SHARPIN: variants seen among roughly 807,000 people sequenced by gnomAD.
SHARPIN encodes the protein hSIPL1.
SHARPIN carries 25 observed loss-of-function variants against 40.3 expected under a neutral mutation model. The ratio of observed to expected loss-of-function variants is 0.62; its 90% CI spans 0.45 to 0.87. The LOEUF (loss-of-function observed/expected upper bound fraction) is 0.87. Among genes scored for constraint, SHARPIN ranks in the 40% least tolerant of loss-of-function variants. The pLI is 0.00. For synonymous variants in SHARPIN, 274 were observed against 221.8 expected, an observed-to-expected ratio of 1.24 and a Z score of -2.09; for missense variants, 551 against 516.1, an observed-to-expected ratio of 1.07 and a Z score of -0.66.
intron 2 of SHARPIN, chr8:144,102,847 G>C (rs570453030): frequency 3.0e-6 from 2 of 658,186 alleles, no homozygotes; most frequent in East Asian, 2.6e-5. Flanking sequence ...GCTGCAACTT[G>C]TGCTGGCTGG....
intron 2 of SHARPIN, among the ~76,000 whole-genome samples, chr8:144,102,333 G>C (rs979858098): frequency 2.6e-5 from 4 of 151,052 alleles, no homozygotes; most frequent in Non-Finnish European, 5.9e-5. Context: ...GAGTGCAGTG[G>C]CAAGATCTCA....
chr8:144,099,895 C>T (rs1406735519), intron 3 of SHARPIN, 34 bp downstream of exon 3: 1 of 1,220,270 alleles, frequency 8.2e-7, no homozygotes. Context: ...ATCTGCTATC[C>T]CCGAACCCCC....
chr8:144,102,864 A>T, intron 2 of SHARPIN, 187 bp downstream of exon 2: 4 of 653,816 alleles, frequency 6.1e-6, no homozygotes, highest in Non-Finnish European at 7.9e-6. Flanking sequence ...CTGGGGCCTC[A>T]GATGGTGTAG....
intron 1 of SHARPIN, 107 bp from the exon 2 acceptor site, chr8:144,103,332 C>G: frequency 7.7e-7 from 1 of 1,291,988 alleles, no homozygotes; most frequent in South Asian, 1.4e-5. Context: ...GGTCCTAAGC[C>G]CTGTACGCCT....
rs1836320573 is a variant in SHARPIN at position 144,103,062 on chromosome 8, T to C, written c.365A>G (p.Glu122Gly). ...TACAGGGCACTGACCATTCTGTCCT[T>C]CCACGGTGGCACCTCGGACTAGGAC... ...WAVLVRGATV[E>G]GQNGSKSNSP... is the part of the protein sequence containing the mutation. Residue 122 changes from glutamate (E) to glycine (G), a missense_variant, in exon 2 of 9, where the codon GAA becomes GGA. Physicochemically the swap from Glu to Gly is moderately conservative, Grantham distance 98. Transcript: ENST00000398712. 2.5e-6 allele frequency: 4 copies of C among 1,613,216 alleles called. No homozygotes were observed. The highest frequency in any genetic ancestry group is 3.4e-6 in the Non-Finnish European group (4 of 1,179,902).
At chr8:144,099,242 C>T in intron 6 of SHARPIN, 35 bp downstream of exon 6, 3 of 1,613,314 alleles carry the variant, frequency 1.9e-6, no homozygotes, top group South Asian at 1.1e-5. Flanking sequence ...GGGCTGCACC[C>T]CACCTCCCAC....
At position 144,103,640 on chromosome 8, in the gene SHARPIN, C is replaced by G; in HGVS notation, c.114G>C (p.Glu38Asp). 6.6e-7 allele frequency: 1 copy of G among 1,525,826 alleles called. No homozygotes were observed. The highest frequency in any genetic ancestry group is 8.7e-7 in the Non-Finnish European group (1 of 1,143,278). The allele number at this position is 1,525,826 out of a possible 1,614,324, so 94.5% of individuals were successfully genotyped here. A position where few individuals can be genotyped will look rare whatever the true frequency, so the allele number is the denominator to read the frequency against. ...TCAGCTGCAGCCTCCGCAGCTGTGCCTCGGCGTCTGGCCCGGCGCCCAGCG... is the reference window on the plus strand; with the variant it reads ...TCAGCTGCAGCCTCCGCAGCTGTGCGTCGGCGTCTGGCCCGGCGCCCAGCG... ...VRPLGAGPDA[E>D]AQLRRLQLSA... Residue 38 changes from glutamate (E) to aspartate (D), a missense_variant, in exon 1 of 9, where the codon GAG becomes GAC. Physicochemically the swap from Glu to Asp is conservative, Grantham distance 45. Coordinates refer to ENST00000398712, the MANE Select transcript of SHARPIN (RefSeq NM_030974.4).
intron 2 of SHARPIN, 128 bp from the exon 3 acceptor site, chr8:144,100,197 T>C (rs967575187): frequency 1.8e-6 from 2 of 1,133,394 alleles, no homozygotes; most frequent in Non-Finnish European, 2.4e-6. Flanking sequence ...GCCACACTTC[T>C]AGCCACACCT....
chr8:144,102,461 A>G (rs1027594131), intron 2 of SHARPIN, among the ~76,000 whole-genome samples: 15 of 152,016 alleles, frequency 9.9e-5, no homozygotes, highest in African/African-American at 3.6e-4. Context: ...TTTAGTAGAG[A>G]CAGGGTTTCA....
chr8:144,102,140 G>A (rs879249725), intron 2 of SHARPIN, among the ~76,000 whole-genome samples: 1 of 152,164 alleles, frequency 6.6e-6, no homozygotes, highest in Non-Finnish European at 1.5e-5. Flanking sequence ...TGAAGCAGGA[G>A]GATCACCGTA....
In SHARPIN at chr8:144,098,752, C is replaced by T. The variant is rs1052941286; in HGVS notation, c.*49G>A. ...GAGTTCAGTGGGGGCCTGGAGATGT[C>T]GGACTTGTGAGGGAAGGGCCACTCT... On this transcript the variant is annotated 3_prime_UTR_variant, in exon 9 of 9. Coordinates refer to ENST00000398712, the MANE Select transcript of SHARPIN (RefSeq NM_030974.4). 7.9e-5 allele frequency: 54 copies of T among 685,854 alleles called. No individual in the cohort carries two copies. The highest frequency in any genetic ancestry group is 4.4e-4 in the Admixed American group (13 of 29,628). 42.5% of individuals were successfully genotyped at this position (685,854 alleles called of 1,614,324 possible).
intron 8 of SHARPIN, 24 bp downstream of exon 8, chr8:144,098,842 C>A: frequency 6.6e-7 from 1 of 1,513,086 alleles, no homozygotes; most frequent in Non-Finnish European, 8.9e-7. Flanking sequence ...CCCCCACCTC[C>A]CCTGCCTGTG....
chr8:144,101,948 A>G (rs1564314920), intron 2 of SHARPIN, among the ~76,000 whole-genome samples: 1 of 151,940 alleles, frequency 6.6e-6, no homozygotes, highest in African/African-American at 2.4e-5. Flanking sequence ...CTCTTACATC[A>G]CTGTCTGGCT....
In SHARPIN at chr8:144,099,971, C is replaced by T; in HGVS notation, c.475G>A (p.Glu159Lys). The part of the protein sequence containing the change: ...EASTLKGPPP[E>K]ADLPRSPGNL... ...CCAGGGCTCCTAGGAAGATCTGCCT[C>T]AGGTGGAGGGCCCTTGAGTGTGGAG... Residue 159 changes from glutamate (E) to lysine (K), a missense_variant, in exon 3 of 9, where the codon GAG becomes AAG. By Grantham distance (56) the Glu-to-Lys change is moderately conservative. Transcript: ENST00000398712. 1.2e-6 allele frequency: 2 copies of T among 1,612,796 alleles called. No homozygotes were observed. Among genetic ancestry groups the T allele is most frequent in the Middle Eastern group, 1.7e-4 (1 of 6,046 alleles).
intron 1 of SHARPIN, 96 bp downstream of exon 1, chr8:144,103,457 A>G: frequency 7.6e-7 from 1 of 1,308,596 alleles, no homozygotes; most frequent in Non-Finnish European, 1.0e-6. Context: ...ATAACTGCTT[A>G]AGGGCACCCA....
chr8:144,103,731 GC>G lies in SHARPIN; in HGVS notation c.22del (p.Ala8ArgfsTer21). The G allele has an allele frequency of 7.2e-7, 1 of 1,386,202 alleles. No individual in the cohort carries two copies. The highest frequency in any genetic ancestry group is 9.3e-7 in the Non-Finnish European group (1 of 1,076,590). The allele number at this position is 1,386,202 out of a possible 1,614,324, so 85.9% of individuals were successfully genotyped here. A position where few individuals can be genotyped will look rare whatever the true frequency, so the allele number is the denominator to read the frequency against. On this transcript the variant is annotated frameshift_variant, in exon 1 of 9. Transcript: ENST00000398712. LOFTEE classifies it high-confidence loss of function. ...GCCCAAGTCCGAGGCCGCCGCCGCC[GC>G]CCCGCCCGCTGGCGGCGCCATCTCC... MAPPAGGAAAAASDLGSA... is the reference protein window; with the variant it reads MAPPAGGXAAAASDLGSA...
rs370326103 is a variant in SHARPIN at position 144,100,078 on chromosome 8, A to G, written c.377-9T>C. 1.9e-5 allele frequency: 30 copies of G among 1,562,864 alleles called. No homozygotes were observed. Among genetic ancestry groups the G allele is most frequent in the Non-Finnish European group, 2.5e-5 (29 of 1,155,272 alleles). ...TGAGTTGCTCTTGCTGCCTAGAGGTAAGATATGGGTGTGCTGTGCTGTGGC... is the reference window on the plus strand; with the variant it reads ...TGAGTTGCTCTTGCTGCCTAGAGGTGAGATATGGGTGTGCTGTGCTGTGGC... On this transcript the variant is annotated splice_polypyrimidine_tract_variant and intron_variant, in intron 2 of 8. Transcript: ENST00000398712.
chr8:144,103,508 G>C, intron 1 of SHARPIN, 45 bp downstream of exon 1: 2 of 1,519,384 alleles, frequency 1.3e-6, no homozygotes. Flanking sequence ...TCCGTGCCCT[G>C]CCCGGGCCAA....
rs767942814 is a variant in SHARPIN at position 144,098,996 on chromosome 8, T to C, written c.1048-2A>G. On this transcript the variant is annotated splice_acceptor_variant, in intron 7 of 8. Coordinates refer to ENST00000398712, the MANE Select transcript of SHARPIN (RefSeq NM_030974.4). LOFTEE classifies it high-confidence loss of function. ...GCAGGAAGGACAGGACCAGCTGGGCTGGGGGAAGAGAGACAGTTGTTGCTT... is the reference window on the plus strand; with the variant it reads ...GCAGGAAGGACAGGACCAGCTGGGCCGGGGGAAGAGAGACAGTTGTTGCTT... 1 of 1,602,966 alleles carries C rather than the reference T, an allele frequency of 6.2e-7. No individual in the cohort carries two copies. The highest frequency in any genetic ancestry group is 8.5e-7 in the Non-Finnish European group (1 of 1,176,742).
Sources: gnomAD v4.1 joint callset for allele counts (sites outside exome capture counted in the v4.1 genomes callset) on GRCh38, gnomAD v4.1.1 for gene constraint, MANE v1.5 for transcripts, NCBI Gene and HGNC (gene_info 2026-07-23, HGNC 2026-07-21) for gene names.